Variants in NTRK1 observed in about 807,000 individuals in gnomAD.
NTRK1 encodes high affinity nerve growth factor receptor.
In NTRK1, 62 loss-of-function variants were observed where a neutral mutation model predicts 86.8. The observed-to-expected ratio is 0.71, with a 90% CI of 0.58 to 0.88. The LOEUF is 0.88. NTRK1 is among the 40% of genes least tolerant of loss of function. The pLI is 0.00. For synonymous variants in NTRK1, 469 were observed against 456.6 expected (o/e 1.03, Z -0.35); for missense variants, 967 against 1,078.4 (o/e 0.90, Z 1.45).
chr1:156,872,492 C>T (rs1647618863), intron 7 of NTRK1, among the ~76,000 whole-genome samples: 1 of 151,926 alleles, frequency 6.6e-6, no homozygotes, highest in Non-Finnish European at 1.5e-5. Context: ...TTCTTTCATT[C>T]AACATTATAT....
chr1:156,873,895 C>T lies in NTRK1; in HGVS notation c.1113C>T (p.Ser371=), dbSNP rs778058108. ...CTGCCAACCCCTTCGGCCAGGCCTC[C>T]GCCTCCATCATGGCTGCCTTCATGG... ...LLAANPFGQA[S]ASIMAAFMDN... The change falls in exon 8 of 17, where the codon TCC becomes TCT. Residue 371 remains serine (S), a synonymous_variant. Transcript: ENST00000524377. The T allele has an allele frequency of 1.6e-5, 25 of 1,578,500 alleles. No homozygotes were observed. The highest frequency in any genetic ancestry group is 3.3e-4 in the Middle Eastern group (2 of 6,014).
chr1:156,845,372 C>T, intron 2 of NTRK1: 5 of 1,579,990 alleles, frequency 3.2e-6, no homozygotes, highest in Non-Finnish European at 4.3e-6. Flanking sequence ...TCCTGCTCAC[C>T]TTTGGGGGCT....
rs867988899 is a variant in NTRK1, at chr1:156,853,118, G to T, written c.50+10925G>T. Among the ~76,000 whole-genome samples, 4 of 151,604 alleles carry T rather than the reference G, an allele frequency of 2.6e-5. No individual in the cohort carries two copies. In the South Asian group the frequency reaches 8.4e-4, roughly 32 times the overall value. On this transcript the variant is annotated intron_variant, in intron 2 of 16. Transcript: ENST00000392302. ...TTCCTCTCCTTGCATCATCCTAAAG[G>T]TCCCACCTTACATCTTTGCTCTCAC...
In NTRK1 at chr1:156,880,182, C is replaced by T. The variant is rs1369896094; in HGVS notation, c.2205+25C>T. ...GGTCAGCCCCGGCCCATGGTCACCC[C>T]TTGCTGGCCTCCCCGTCCCATGCCC... On this transcript the variant is annotated intron_variant, in intron 16 of 16. Transcript: ENST00000524377. 3.1e-6 allele frequency: 5 copies of T among 1,611,586 alleles called. No individual in the cohort carries two copies. In the African/African-American group the frequency reaches 4.0e-5, roughly 13 times the overall value.
rs750362227 is a variant in NTRK1 at position 156,875,563 on chromosome 1, G to T, written c.1398G>T (p.Leu466=). 2 of 1,613,820 alleles carry T rather than the reference G, an allele frequency of 1.2e-6. No individual in the cohort carries two copies. The highest frequency in any genetic ancestry group is 4.5e-5 in the East Asian group (2 of 44,882). The change falls in exon 12 of 17, where the codon CTG becomes CTT. Residue 466 remains leucine (L), a synonymous_variant. Transcript: ENST00000524377. ...LAPEDGLAMS[L]HFMTLGGSSL... is the part of the protein sequence containing the mutation. ...CAGAGGATGGGCTGGCCATGTCCCT[G>T]CATTTCATGACATTGGGTGGCAGCT... is the stretch of plus-strand genomic sequence containing the variant.
At position 156,841,405 on chromosome 1, in the gene NTRK1, A is replaced by G; in HGVS notation, c.-63-676A>G. On this transcript the variant is annotated intron_variant, in intron 1 of 16. Transcript: ENST00000392302. ...GGGAGGTGACTCACAGCTGAAGGGG[A>G]CAGCCCTCCAGCTCCTCCAGGACCC... The G allele has an allele frequency of 2.5e-6, 4 of 1,613,464 alleles. 1 individual carries two copies. The highest frequency in any genetic ancestry group is 1.7e-5 in the Admixed American group (1 of 59,988).
chr1:156,868,399 C>T, intron 5 of NTRK1, 106 bp from the exon 6 acceptor site: 2 of 1,537,294 alleles, frequency 1.3e-6, no homozygotes, highest in South Asian at 1.2e-5. Flanking sequence ...ATCGCCTGGG[C>T]TCCAGGTCAT....
At chr1:156,853,331 C>A (rs1655294089) in intron 2 of NTRK1, among the ~76,000 whole-genome samples, 1 of 152,150 alleles carries the variant, frequency 6.6e-6, no homozygotes, top group Non-Finnish European at 1.5e-5. Context: ...CTCATGACAC[C>A]CAATGATCAT....
intron 15 of NTRK1, 47 bp downstream of exon 15, chr1:156,879,409 G>C (rs2102925578): frequency 1.3e-6 from 2 of 1,569,614 alleles, no homozygotes. Flanking sequence ...CCAAACTGTA[G>C]ACACCCTGGA....
chr1:156,826,280 C>T (rs1329725188), intron 1 of NTRK1, among the ~76,000 whole-genome samples: 1 of 142,906 alleles, frequency 7.0e-6, no homozygotes, highest in African/African-American at 2.6e-5. Flanking sequence ...GTTGTCCAGG[C>T]TAGACTTGAG....
intron 10 of NTRK1, 84 bp from the exon 11 acceptor site, chr1:156,874,822 G>T: frequency 8.1e-7 from 1 of 1,238,478 alleles, no homozygotes; most frequent in East Asian, 2.3e-5. Context: ...GGGCTCCCAT[G>T]CAGGATGAAA....
intron 8 of NTRK1, 150 bp from the exon 9 acceptor site, chr1:156,874,233 C>T (rs1269349302): frequency 8.1e-7 from 1 of 1,238,030 alleles, no homozygotes; most frequent in South Asian, 1.2e-5. Flanking sequence ...CATGCATCTT[C>T]TTCCTTGAGG....
chr1:156,860,297 C>T (rs1321422512), upstream of NTRK1, among the ~76,000 whole-genome samples: 1 of 152,232 alleles, frequency 6.6e-6, no homozygotes, highest in African/African-American at 2.4e-5. Flanking sequence ...GCGGTCTTGG[C>T]TCTCCGGACT....
Position 156,874,638 on chromosome 1 carries a change from A to G in NTRK1, c.1251+12A>G. ...AAACACCTTTTGGGGTGAGATAGGA[A>G]GTAGAAGCTTGTGCAGACTTTGGGA... is the stretch of plus-strand genomic sequence containing the variant. On this transcript the variant is annotated intron_variant, in intron 10 of 16. Coordinates refer to ENST00000524377, the MANE Select transcript of NTRK1 (RefSeq NM_002529.4). 1 of 1,612,246 alleles carries G rather than the reference A, an allele frequency of 6.2e-7. No individual in the cohort carries two copies.
chr1:156,876,260 A>G (rs2102918232), intron 13 of NTRK1, 50 bp downstream of exon 13: 1 of 1,612,478 alleles, frequency 6.2e-7, no homozygotes, highest in African/African-American at 1.3e-5. Flanking sequence ...CACCCCCAGG[A>G]GCTCCATCAC....
intron 5 of NTRK1, 47 bp from the exon 6 acceptor site, chr1:156,868,458 C>T (rs1306411290): frequency 6.4e-7 from 1 of 1,550,790 alleles, no homozygotes; most frequent in Non-Finnish European, 8.7e-7. Context: ...TCTGGGGCCA[C>T]TCCCAGCTCT....
chr1:156,845,289 C>T lies in NTRK1; in HGVS notation c.50+3096C>T, dbSNP rs778805206. 6.2e-7 allele frequency: 1 copy of T among 1,612,778 alleles called. No individual in the cohort carries two copies. Among genetic ancestry groups the T allele is most frequent in the African/African-American group, 1.3e-5 (1 of 74,936 alleles). On this transcript the variant is annotated intron_variant, in intron 2 of 16. Coordinates refer to the NTRK1 transcript ENST00000392302. The stretch of plus-strand genomic sequence containing the variant: ...GGCCCAGCTGCCCGGCGGTGCCGCC[C>T]TGAGTCCCTGGGGAGAGCGAGTCAG...
At chr1:156,847,162 T>G (rs1411714820) in intron 2 of NTRK1, among the ~76,000 whole-genome samples, 2 of 152,232 alleles carry the variant, frequency 1.3e-5, no homozygotes, top group Non-Finnish European at 2.9e-5. Context: ...CTTCCCAGTG[T>G]CTTCACTTAG....
intron 1 of NTRK1, chr1:156,841,338 TG>T: frequency 9.7e-7 from 1 of 1,031,790 alleles, no homozygotes; most frequent in Non-Finnish European, 1.3e-6. Context: ...TGGGGCCGGG[TG>T]GGGGAGGGTT....
Sources: allele counts gnomAD v4.1 joint callset (sites outside exome capture counted in the v4.1 genomes callset), GRCh38; gene constraint gnomAD v4.1.1; transcripts MANE v1.5; gene names NCBI Gene and HGNC (gene_info 2026-07-23, HGNC 2026-07-21).